Variants in MPRIP observed in about 807,000 individuals in gnomAD.
MPRIP encodes myosin phosphatase Rho-interacting protein.
MPRIP carries 59 observed loss-of-function variants against 234.9 expected under a neutral mutation model. The ratio of observed to expected loss-of-function variants is 0.25; its 90% CI spans 0.20 to 0.31. The LOEUF (loss-of-function observed/expected upper bound fraction) is 0.31, where lower values mean the gene tolerates loss of function less well. Among genes scored for constraint, MPRIP ranks in the 10% least tolerant of loss-of-function variants. MPRIP has a pLI of 1.00. For synonymous variants in MPRIP, 1,144 were observed against 1,263.9 expected (o/e 0.91, Z 2.01); for missense variants, 2,436 against 3,071.0 (o/e 0.79, Z 4.89).
chr17:17,118,981 TAGA>T (rs2144339321), intron 3 of MPRIP, among the ~76,000 whole-genome samples: 1 of 152,212 alleles, frequency 6.6e-6, no homozygotes, highest in South Asian at 2.1e-4. Flanking sequence ...ATCGGGCTCC[TAGA>T]AGCAGTTTGG....
intron 23 of MPRIP, among the ~76,000 whole-genome samples, chr17:17,183,617 A>G (rs2046417449): frequency 6.6e-6 from 1 of 152,242 alleles, no homozygotes; most frequent in Non-Finnish European, 1.5e-5. Context: ...TATAGCAAAC[A>G]AGCAGGTCTG....
intron 19 of MPRIP, among the ~76,000 whole-genome samples, chr17:17,174,770 G>T (rs2046218485): frequency 6.7e-6 from 1 of 150,188 alleles, no homozygotes; most frequent in African/African-American, 2.5e-5. Flanking sequence ...GGGAGGCGGA[G>T]CCTGGGTGAC....
At position 17,110,530 on chromosome 17, in the gene MPRIP, C is replaced by T. The variant is rs150562731; in HGVS notation, c.268-16172C>T. 6.6e-5 allele frequency among the ~76,000 whole-genome samples: 10 copies of T among 152,298 alleles called. No homozygotes were observed. The East Asian group carries it at 1.2e-3, about 18-fold the overall frequency. On this transcript the variant is annotated intron_variant, in intron 3 of 23. Transcript: ENST00000651222. ...AGGAGATGGCCATAGCTCCCCACTC[C>T]GTGTTGAGTGGTGACTTCCTTCCAG...
intron 23 of MPRIP, among the ~76,000 whole-genome samples, chr17:17,181,030 G>A (rs1392677736): frequency 6.6e-6 from 1 of 152,192 alleles, no homozygotes; most frequent in African/African-American, 2.4e-5. Flanking sequence ...GAAGTCTACC[G>A]TCACCAAAGG....
chr17:17,119,905 T>C (rs973721295), intron 3 of MPRIP, among the ~76,000 whole-genome samples: 3 of 152,228 alleles, frequency 2.0e-5, no homozygotes, highest in African/African-American at 7.2e-5. Context: ...CTCATCATGG[T>C]GTGAATGTGG....
chr17:17,164,028 G>A, intron 15 of MPRIP, 81 bp from the exon 16 acceptor site: 8 of 986,874 alleles, frequency 8.1e-6, no homozygotes, highest in Non-Finnish European at 1.1e-5. Flanking sequence ...AGCTTTCTGT[G>A]GTTGTTCCTG....
chr17:17,064,246 G>C (rs1406302921), intron 1 of MPRIP, among the ~76,000 whole-genome samples: 1 of 149,500 alleles, frequency 6.7e-6, no homozygotes, highest in African/African-American at 2.5e-5. Flanking sequence ...CTGTTGCCCA[G>C]GCTGGGGTGC....
Position 17,143,684 on chromosome 17 carries a change from C to G in MPRIP, c.1503+15C>G. ...CCTCCGTGACGGTGAGCCCAGGCGC[C>G]GCGTCCTCCGGAGGCCGTGCTCCTC... On this transcript the variant is annotated intron_variant, in intron 9 of 23. Coordinates refer to ENST00000651222, the MANE Select transcript of MPRIP (RefSeq NM_001364716.4). 1 of 1,551,716 alleles carries G rather than the reference C, an allele frequency of 6.4e-7. No individual in the cohort carries two copies. The highest frequency in any genetic ancestry group is 8.8e-7 in the Non-Finnish European group (1 of 1,135,582).
intron 3 of MPRIP, among the ~76,000 whole-genome samples, chr17:17,116,674 GT>G (rs1164020067): frequency 6.6e-6 from 1 of 152,230 alleles, no homozygotes; most frequent in Non-Finnish European, 1.5e-5. Flanking sequence ...CGTCCTGCCA[GT>G]CCCCAGTCTG....
chr17:17,158,558 G>A lies in MPRIP; in HGVS notation c.1956G>A (p.Arg652=). ...PEQKRSRARE[R]RREGRSKTFD... Reference sequence around the variant, plus strand: ...AGAAGAGGAGCCGCGCACGGGAGCGGAGGCGAGAGGGCCGCTCCAAGACCT... The same window carrying A: ...AGAAGAGGAGCCGCGCACGGGAGCGAAGGCGAGAGGGCCGCTCCAAGACCT... The change falls in exon 14 of 24, where the codon CGG becomes CGA. Residue 652 remains arginine, a synonymous_variant. Coordinates refer to ENST00000651222, the MANE Select transcript of MPRIP (RefSeq NM_001364716.4). 1 of 1,611,512 alleles carries A rather than the reference G, an allele frequency of 6.2e-7. No individual in the cohort carries two copies. The highest frequency in any genetic ancestry group is 8.5e-7 in the Non-Finnish European group (1 of 1,179,802).
intron 3 of MPRIP, among the ~76,000 whole-genome samples, chr17:17,112,012 A>T (rs1436226947): frequency 6.6e-6 from 1 of 152,104 alleles, no homozygotes; most frequent in African/African-American, 2.4e-5. Context: ...TCGGCACCCC[A>T]CAGAGCAGGT....
At chr17:17,136,827 C>T (rs940047327) in intron 6 of MPRIP, among the ~76,000 whole-genome samples, 6 of 152,176 alleles carry the variant, frequency 3.9e-5, no homozygotes, top group Non-Finnish European at 8.8e-5. Flanking sequence ...CAGTCAGTCT[C>T]ATCCCTCTCA....
At chr17:17,082,247 G>A (rs1317788007) in intron 3 of MPRIP, among the ~76,000 whole-genome samples, 1 of 148,932 alleles carries the variant, frequency 6.7e-6, no homozygotes, top group African/African-American at 2.5e-5. Flanking sequence ...TCAAGGGCCT[G>A]CTCTCCAAGG....
At chr17:17,113,989 C>T (rs2090229761) in intron 3 of MPRIP, among the ~76,000 whole-genome samples, 1 of 150,004 alleles carries the variant, frequency 6.7e-6, no homozygotes, top group Admixed American at 6.7e-5. Context: ...AACTCCTGGG[C>T]TCAAGGGATC....
chr17:17,180,499 T>C (rs913783906), intron 23 of MPRIP: 3 of 978,466 alleles, frequency 3.1e-6, no homozygotes, highest in African/African-American at 1.6e-5. Flanking sequence ...ACATCTTTAG[T>C]GTGCTGTCCA....
chr17:17,110,468 A>G (rs2090147963), intron 3 of MPRIP, among the ~76,000 whole-genome samples: 1 of 152,252 alleles, frequency 6.6e-6, no homozygotes, highest in Non-Finnish European at 1.5e-5. Flanking sequence ...TGTCCTGTGC[A>G]GAATTCCAGG....
Position 17,107,357 on chromosome 17 carries a change from C to T in MPRIP, c.268-19345C>T, listed in dbSNP as rs1397461322. ...CCTCAGAGCCTGGGCAGGGCGGGGA[C>T]TTCAAGGCTGCTGCCAGGTTTGGGT... On this transcript the variant is annotated intron_variant, in intron 3 of 23. Transcript: ENST00000651222. 2.6e-5 allele frequency among the ~76,000 whole-genome samples: 4 copies of T among 152,362 alleles called. No individual in the cohort carries two copies. In the East Asian group the frequency reaches 7.7e-4, roughly 29 times the overall value.
chr17:17,062,997 G>C (rs903258225), intron 1 of MPRIP, among the ~76,000 whole-genome samples: 2 of 152,338 alleles, frequency 1.3e-5, no homozygotes, highest in South Asian at 2.1e-4. Flanking sequence ...ACTTGGACTC[G>C]AGAAAGGAGA....
intron 1 of MPRIP, among the ~76,000 whole-genome samples, chr17:17,063,001 AAGG>A (rs754729821): frequency 6.6e-6 from 1 of 152,210 alleles, no homozygotes; most frequent in African/African-American, 2.4e-5. Context: ...GGACTCGAGA[AAGG>A]AGAAGTACAA....
Sources: allele counts gnomAD v4.1 joint callset (sites outside exome capture counted in the v4.1 genomes callset), GRCh38; gene constraint gnomAD v4.1.1; transcripts MANE v1.5; gene names NCBI Gene and HGNC (gene_info 2026-07-23, HGNC 2026-07-21).